PKN2: variants seen among roughly 807,000 people sequenced by gnomAD.
The protein encoded by PKN2 is protein kinase N2.
Under a neutral mutation model 119.1 loss-of-function variants are expected in PKN2, and 38 were observed. That is an observed-to-expected ratio of 0.32 (90% CI 0.25 to 0.42). The LOEUF (loss-of-function observed/expected upper bound fraction) is 0.42. PKN2 is among the 10% of genes least tolerant of loss of function. The pLI is 1.00. For missense variants in PKN2, 850 were observed against 1,165.1 expected (o/e 0.73, Z 3.94); for synonymous variants, 390 against 384.9 (o/e 1.01, Z -0.15).
At chr1:88,759,550 C>A (rs925158802) in intron 2 of PKN2, among the ~76,000 whole-genome samples, 4 of 152,080 alleles carry the variant, frequency 2.6e-5, no homozygotes, top group Non-Finnish European at 5.9e-5. Flanking sequence ...TTGTTAAGTT[C>A]ATCATGGATG....
chr1:88,740,497 T>A (rs1668534370), intron 1 of PKN2, among the ~76,000 whole-genome samples: 2 of 152,166 alleles, frequency 1.3e-5, no homozygotes, highest in Admixed American at 1.3e-4. Flanking sequence ...TTTTATTTAT[T>A]AAGTGACTGC....
At chr1:88,689,613 C>T (rs1287432016) in intron 1 of PKN2, among the ~76,000 whole-genome samples, 1 of 152,138 alleles carries the variant, frequency 6.6e-6, no homozygotes, top group African/African-American at 2.4e-5. Context: ...GAGTTCGAGA[C>T]TAGCCTGGCC....
chr1:88,826,163 C>CTA (rs1375558379), intron 18 of PKN2, among the ~76,000 whole-genome samples: 1 of 152,084 alleles, frequency 6.6e-6, no homozygotes, highest in Non-Finnish European at 1.5e-5. Flanking sequence ...TCCTGTAAGC[C>CTA]CCTTAAAGAC....
chr1:88,684,657 C>T, intron 1 of PKN2, 29 bp downstream of exon 1: 2 of 1,502,130 alleles, frequency 1.3e-6, no homozygotes, highest in South Asian at 2.5e-5. Flanking sequence ...GTGAGAGGCG[C>T]TGGCGGAGGA....
chr1:88,781,294 A>G (rs1468947682), intron 6 of PKN2: 4 of 304,048 alleles, frequency 1.3e-5, no homozygotes, highest in Non-Finnish European at 2.2e-5. Flanking sequence ...TGAATAAGGT[A>G]TAATTGTTTT....
intron 2 of PKN2, among the ~76,000 whole-genome samples, chr1:88,758,021 A>G (rs896663944): frequency 9.7e-5 from 13 of 134,326 alleles, no homozygotes; most frequent in Non-Finnish European, 4.6e-5. Flanking sequence ...AACCTGGGCG[A>G]CAGAGTGAGA....
chr1:88,801,412 A>G (rs1371214635), intron 8 of PKN2, among the ~76,000 whole-genome samples: 1 of 152,126 alleles, frequency 6.6e-6, no homozygotes, highest in Non-Finnish European at 1.5e-5. Flanking sequence ...TAAAAAATAA[A>G]TGGTAAACAT....
At chr1:88,761,613 A>G in intron 3 of PKN2, among the ~76,000 whole-genome samples, 1 of 103,052 alleles carries the variant, frequency 9.7e-6, no homozygotes, top group South Asian at 2.8e-4. Context: ...CTGTCTCTTT[A>G]AAAAAAAAAA....
intron 17 of PKN2, among the ~76,000 whole-genome samples, chr1:88,823,869 T>C (rs1672393108): frequency 6.7e-6 from 1 of 150,358 alleles, no homozygotes. Context: ...GTTAGCCGGG[T>C]GTAGTGGCAC....
At position 88,694,655 on chromosome 1, in the gene PKN2, A is replaced by G. The variant is rs575363694; in HGVS notation, c.48+10027A>G. Among the ~76,000 whole-genome samples, 4 of 152,286 alleles carry G rather than the reference A, an allele frequency of 2.6e-5. No individual in the cohort carries two copies. The South Asian group carries it at 8.3e-4, about 32-fold the overall frequency. ...CAGGGTGTCCAATTGTATGGTAAGA[A>G]TATATTTAGATTTGTAAGAAACTCC... On this transcript the variant is annotated intron_variant, in intron 1 of 21. Transcript: ENST00000370521.
At chr1:88,714,341 G>A (rs1667361178) in intron 1 of PKN2, among the ~76,000 whole-genome samples, 1 of 152,132 alleles carries the variant, frequency 6.6e-6, no homozygotes, top group Non-Finnish European at 1.5e-5. Flanking sequence ...AGTTTGATGT[G>A]GATGGCATTG....
intron 6 of PKN2, among the ~76,000 whole-genome samples, chr1:88,777,529 T>C (rs149682537): frequency 8.5e-5 from 13 of 152,346 alleles, no homozygotes; most frequent in African/African-American, 2.4e-4. Flanking sequence ...AAAGATTTCA[T>C]TTTTCTGCTA....
intron 16 of PKN2, among the ~76,000 whole-genome samples, chr1:88,820,115 C>T (rs1672185282): frequency 6.9e-6 from 1 of 145,790 alleles, no homozygotes; most frequent in African/African-American, 2.6e-5. Flanking sequence ...ACATTCTGCA[C>T]ATGTATCCCA....
intron 2 of PKN2, among the ~76,000 whole-genome samples, chr1:88,742,172 T>C (rs553062007): frequency 7.6e-4 from 116 of 152,220 alleles, no homozygotes; most frequent in South Asian, 3.1e-3. Flanking sequence ...AGAAAAAGAG[T>C]GTGAGAGTGT....
chr1:88,829,192 T>C (rs1244856756), intron 19 of PKN2: 3 of 738,876 alleles, frequency 4.1e-6, no homozygotes, highest in East Asian at 2.5e-5. Flanking sequence ...CATGAATTTA[T>C]TGTAAAAACA....
intron 1 of PKN2, among the ~76,000 whole-genome samples, chr1:88,735,241 C>A (rs1042640730): frequency 5.9e-5 from 9 of 152,242 alleles, no homozygotes; most frequent in Admixed American, 5.2e-4. Flanking sequence ...TCACTGCAGT[C>A]TTGATCTCAT....
intron 2 of PKN2, among the ~76,000 whole-genome samples, chr1:88,759,733 G>C (rs950080804): frequency 6.6e-6 from 1 of 151,988 alleles, no homozygotes; most frequent in Non-Finnish European, 1.5e-5. Flanking sequence ...AGAATATTAG[G>C]AACACCTCTG....
intron 1 of PKN2, among the ~76,000 whole-genome samples, chr1:88,688,803 C>T (rs1312049637): frequency 2.6e-5 from 4 of 152,084 alleles, no homozygotes; most frequent in African/African-American, 4.8e-5. Context: ...TTAGTAGGTG[C>T]GCAATACATT....
intron 2 of PKN2, among the ~76,000 whole-genome samples, chr1:88,745,012 A>T (rs955126585): frequency 3.9e-5 from 6 of 152,214 alleles, no homozygotes; most frequent in Non-Finnish European, 8.8e-5. Flanking sequence ...ATTTTTGCCC[A>T]TAAGAGTATC....
Sources: gnomAD v4.1 joint callset for allele counts (sites outside exome capture counted in the v4.1 genomes callset) on GRCh38, gnomAD v4.1.1 for gene constraint, MANE v1.5 for transcripts, NCBI Gene and HGNC (gene_info 2026-07-23, HGNC 2026-07-21) for gene names.